The following NRN1 variants were observed in gnomAD, a reference collection of about 807,000 sequenced individuals.
NRN1 encodes the protein neuritin 1.
Under a neutral mutation model 15.0 loss-of-function variants are expected in NRN1, and 4 were observed. The ratio of observed to expected loss-of-function variants is 0.27; its 90% CI spans 0.13 to 0.61. NRN1 has a LOEUF of 0.61. NRN1 is among the 20% of genes least tolerant of loss of function. The probability of loss-of-function intolerance (pLI) is 0.87; values close to 1 mark genes in which losing one functional copy is unlikely to be tolerated. For synonymous variants in NRN1, 85 were observed against 79.8 expected (o/e 1.07, Z -0.35); for missense variants, 134 against 181.9 (o/e 0.74, Z 1.51).
At position 6,004,261 on chromosome 6, in the gene NRN1, C is replaced by T. The variant is rs56008503; in HGVS notation, c.56-1764G>A. Among the ~76,000 whole-genome samples, 1,119 of 152,268 alleles carry T rather than the reference C, an allele frequency of 7.3e-3. 3 individuals carry two copies. Among genetic ancestry groups the T allele is most frequent in the Non-Finnish European group, 0.011 (781 of 68,026 alleles). On this transcript the variant is annotated intron_variant, in intron 1 of 2. Transcript: ENST00000244766. ...ACAATACTAACAAATCGAACACTGA[C>T]GTAAAATCTTAAGAATAAACGAATC...
chr6:6,003,414 A>T (rs1311854363), intron 1 of NRN1: 47 of 476,404 alleles, frequency 9.9e-5, no homozygotes, highest in Admixed American at 8.8e-5. Flanking sequence ...GACACCCTTA[A>T]CAACCCACCC....
At position 5,998,100 on chromosome 6, in the gene NRN1, TC is replaced by T. The variant is rs200457671; in HGVS notation, c.*875del. 8.6e-6 allele frequency: 1 copy of T among 115,720 alleles called. No homozygotes were observed. Among genetic ancestry groups the T allele is most frequent in the Non-Finnish European group, 2.1e-5 (1 of 47,018 alleles). The allele number at this position is 115,720 out of a possible 1,614,324, so 7.2% of individuals were successfully genotyped here. A position where few individuals can be genotyped will look rare whatever the true frequency, so the allele number is the denominator to read the frequency against. On this transcript the variant is annotated 3_prime_UTR_variant, in exon 3 of 3. Coordinates refer to ENST00000244766, the MANE Select transcript of NRN1 (RefSeq NM_016588.3). ...AAACTTTTTAAATTACATCTCTCTC[TC>T]TTTTTTTTTTAAAATCAAGGCTCTT...
rs1757844182 is a variant in NRN1 at position 5,998,910 on chromosome 6, T to C, written c.*66A>G. 1.7e-6 allele frequency: 2 copies of C among 1,150,690 alleles called. No individual in the cohort carries two copies. The highest frequency in any genetic ancestry group is 1.3e-6 in the Non-Finnish European group (1 of 788,822). The allele number at this position is 1,150,690 out of a possible 1,614,324, so 71.3% of individuals were successfully genotyped here. ...AACGTCCCCAAAGAACTAATGGATC[T>C]TCCTCTCGATTTCCGGGAGCATGGA... On this transcript the variant is annotated 3_prime_UTR_variant, in exon 3 of 3. Coordinates refer to ENST00000244766, the MANE Select transcript of NRN1 (RefSeq NM_016588.3).
At chr6:6,003,561 G>T in intron 1 of NRN1, 1 of 563,296 alleles carries the variant, frequency 1.8e-6, no homozygotes, top group Non-Finnish European at 2.7e-6. Context: ...CCTGCAGAGA[G>T]CAGGCAGGGA....
intron 2 of NRN1, 121 bp downstream of exon 2, chr6:6,002,232 A>G (rs956928790): frequency 3.9e-6 from 5 of 1,293,408 alleles, no homozygotes; most frequent in African/African-American, 1.5e-5. Context: ...AGAAGGCAAG[A>G]GTGAGCCGAT....
intron 1 of NRN1, among the ~76,000 whole-genome samples, chr6:6,004,667 G>A (rs1758060854): frequency 2.6e-5 from 4 of 152,194 alleles, no homozygotes; most frequent in Admixed American, 2.0e-4. Flanking sequence ...GGGAGGCCGG[G>A]AGGCTGCGCG....
At position 6,006,238 on chromosome 6, in the gene NRN1, A is replaced by G. The variant is rs200884035; in HGVS notation, c.55+457T>C. 2.0e-5 allele frequency among the ~76,000 whole-genome samples: 3 copies of G among 152,332 alleles called. No homozygotes were observed. In the East Asian group the frequency reaches 5.8e-4, roughly 29 times the overall value. On this transcript the variant is annotated intron_variant, in intron 1 of 2. Coordinates refer to ENST00000244766, the MANE Select transcript of NRN1 (RefSeq NM_016588.3). Reference sequence around the variant, plus strand: ...GGGAGAATGACAAAGTTCTAAATGCAGCAGTCTGAGCCCTGGAATATCTTT... The same window carrying G: ...GGGAGAATGACAAAGTTCTAAATGCGGCAGTCTGAGCCCTGGAATATCTTT...
At chr6:6,003,842 AAAGGGTG>A (rs1003009804) in intron 1 of NRN1, 34 of 1,233,280 alleles carry the variant, frequency 2.8e-5, no homozygotes, top group East Asian at 1.3e-4. Context: ...GGCGGGGAAG[AAAGGGTG>A]AATCTCAGAA....
At chr6:6,001,178 C>A (rs1392595165) in intron 2 of NRN1, among the ~76,000 whole-genome samples, 2 of 152,140 alleles carry the variant, frequency 1.3e-5, no homozygotes, top group African/African-American at 4.8e-5. Flanking sequence ...AAATTGACAC[C>A]ATTTAATTTA....
At chr6:6,003,684 G>T in intron 1 of NRN1, 1 of 1,233,262 alleles carries the variant, frequency 8.1e-7, no homozygotes, top group Non-Finnish European at 1.0e-6. Context: ...CCGAGGCGCG[G>T]GACTGGAAGG....
At chr6:6,003,927 C>A (rs1465862209) in intron 1 of NRN1, 2 of 1,228,316 alleles carry the variant, frequency 1.6e-6, no homozygotes, top group Admixed American at 4.2e-5. Flanking sequence ...CTGGCGGCTG[C>A]GCTTGTGTGT....
intron 2 of NRN1, among the ~76,000 whole-genome samples, chr6:6,000,722 CTTTT>C (rs55712329): frequency 0.01 from 638 of 60,840 alleles, 14 homozygotes; most frequent in East Asian, 0.038. Context: ...CTAAATTGCT[CTTTT>C]TTTTTTTTTT....
intron 1 of NRN1, chr6:6,003,997 C>A (rs183829803): frequency 1.6e-6 from 2 of 1,212,136 alleles, no homozygotes; most frequent in South Asian, 4.3e-5. Context: ...GGGCGCCTGT[C>A]CGCGAGCGCC....
chr6:6,002,129 T>A (rs1016436983), intron 2 of NRN1, among the ~76,000 whole-genome samples: 5 of 152,216 alleles, frequency 3.3e-5, no homozygotes, highest in Non-Finnish European at 5.9e-5. Flanking sequence ...TATTGAAGGA[T>A]CCTCCTCCAT....
At chr6:6,004,891 C>A (rs1017135669) in intron 1 of NRN1, among the ~76,000 whole-genome samples, 2 of 152,044 alleles carry the variant, frequency 1.3e-5, no homozygotes, top group African/African-American at 4.8e-5. Flanking sequence ...CGTCTTCTTT[C>A]GTGTTCACCA....
rs960470061 is a variant in NRN1 at position 6,002,302 on chromosome 6, C to T, written c.200+51G>A. 4.4e-6 allele frequency: 7 copies of T among 1,601,564 alleles called. No homozygotes were observed. In the African/African-American group the frequency reaches 9.4e-5, roughly 21 times the overall value. On this transcript the variant is annotated intron_variant, in intron 2 of 2. Coordinates refer to ENST00000244766, the MANE Select transcript of NRN1 (RefSeq NM_016588.3). ...GCGGGGAGGCTCGGCACTCTCCGAC[C>T]TCAGTAGCGCCCCCAAAACCGAAGT...
chr6:6,003,674 C>G, intron 1 of NRN1: 3 of 1,232,166 alleles, frequency 2.4e-6, no homozygotes, highest in Non-Finnish European at 3.0e-6. Flanking sequence ...CGGCCAAACC[C>G]CGAGGCGCGG....
intron 1 of NRN1, 115 bp downstream of exon 1, chr6:6,006,580 G>T: frequency 1.1e-6 from 1 of 917,116 alleles, no homozygotes; most frequent in Non-Finnish European, 1.8e-6. Context: ...TCGGGGGATT[G>T]CCGGCTTCTC....
Position 5,999,349 on chromosome 6 carries a change from C to A in NRN1, c.201-145G>T, listed in dbSNP as rs80045384. 2,866 of 672,036 alleles carry A rather than the reference C, an allele frequency of 4.3e-3. 70 individuals carry two copies. The African/African-American group carries it at 0.047, about 11-fold the overall frequency. The allele number at this position is 672,036 out of a possible 1,614,324, so 41.6% of individuals were successfully genotyped here. Reference sequence around the variant, plus strand: ...CCCTACCTTCTCTTCACCGCCCTGGCGCCTGGCCTGCGCGAGGTCGGGACT... The same window carrying A: ...CCCTACCTTCTCTTCACCGCCCTGGAGCCTGGCCTGCGCGAGGTCGGGACT... On this transcript the variant is annotated intron_variant, in intron 2 of 2. Transcript: ENST00000244766.
Sources: gnomAD v4.1 joint callset for allele counts (sites outside exome capture counted in the v4.1 genomes callset) on GRCh38, gnomAD v4.1.1 for gene constraint, MANE v1.5 for transcripts, NCBI Gene and HGNC (gene_info 2026-07-23, HGNC 2026-07-21) for gene names.